TRPM7: variants seen among roughly 807,000 people sequenced by gnomAD.
TRPM7 encodes transient receptor potential cation channel subfamily M member 7.
In TRPM7, 134 loss-of-function variants were observed where a neutral mutation model predicts 229.7. That is an observed-to-expected ratio of 0.58 (90% CI 0.51 to 0.67). TRPM7 has a LOEUF of 0.67. Among genes scored for constraint, TRPM7 ranks in the 30% least tolerant of loss-of-function variants. TRPM7 has a pLI of 0.00. For synonymous variants in TRPM7, 699 were observed against 715.2 expected (o/e 0.98, Z 0.36); for missense variants, 1,901 against 2,210.0 (o/e 0.86, Z 2.80).
chr15:50,642,627 T>C (rs781122389), intron 5 of TRPM7, among the ~76,000 whole-genome samples: 12 of 152,172 alleles, frequency 7.9e-5, no homozygotes, highest in Non-Finnish European at 1.3e-4. Context: ...TTGCTTCCCC[T>C]TCACCTTCCA....
At chr15:50,620,725 G>A (rs747157005) in intron 12 of TRPM7, among the ~76,000 whole-genome samples, 42 of 152,118 alleles carry the variant, frequency 2.8e-4, no homozygotes, top group Non-Finnish European at 5.0e-4. Flanking sequence ...GAGGTCAGGA[G>A]TTCGAGACCA....
intron 5 of TRPM7, among the ~76,000 whole-genome samples, chr15:50,642,528 A>C (rs1311507728): frequency 6.6e-6 from 1 of 152,162 alleles, no homozygotes; most frequent in Non-Finnish European, 1.5e-5. Flanking sequence ...ATAGTGACTG[A>C]GTTCTCCCAA....
intron 1 of TRPM7, among the ~76,000 whole-genome samples, chr15:50,673,965 T>A (rs1337039654): frequency 6.6e-6 from 1 of 152,134 alleles, no homozygotes; most frequent in East Asian, 1.9e-4. Context: ...CTTGCTGGAA[T>A]AAGGTGGTAT....
At chr15:50,596,077 A>C (rs768343555) in intron 23 of TRPM7, among the ~76,000 whole-genome samples, 178 bp downstream of exon 23, 62 of 152,194 alleles carry the variant, frequency 4.1e-4, no homozygotes, top group Non-Finnish European at 7.6e-4. Context: ...AATCAAACTT[A>C]AAATTTAGAA....
chr15:50,639,179 A>G (rs2061011126), intron 6 of TRPM7, among the ~76,000 whole-genome samples: 1 of 152,242 alleles, frequency 6.6e-6, no homozygotes, highest in South Asian at 2.1e-4. Context: ...TACACATAAA[A>G]GACTGAAAGC....
intron 38 of TRPM7, among the ~76,000 whole-genome samples, chr15:50,566,971 A>G (rs750166570): frequency 6.6e-6 from 1 of 152,036 alleles, no homozygotes; most frequent in Non-Finnish European, 1.5e-5. Context: ...GATTTGCCAC[A>G]GACCTAACGG....
At chr15:50,685,191 G>A (rs1468046628) in intron 1 of TRPM7, among the ~76,000 whole-genome samples, 3 of 152,194 alleles carry the variant, frequency 2.0e-5, no homozygotes, top group Non-Finnish European at 4.4e-5. Context: ...GGCCTGGCGC[G>A]GTGGCTCACG....
At chr15:50,659,819 C>G (rs2140907328) in intron 2 of TRPM7, among the ~76,000 whole-genome samples, 1 of 152,156 alleles carries the variant, frequency 6.6e-6, no homozygotes, top group East Asian at 1.9e-4. Context: ...AAGTGCCCAC[C>G]ACCACGCCCA....
intron 6 of TRPM7, among the ~76,000 whole-genome samples, 188 bp downstream of exon 6, chr15:50,639,236 A>C (rs1263083733): frequency 1.3e-5 from 2 of 152,218 alleles, no homozygotes; most frequent in Non-Finnish European, 2.9e-5. Context: ...GAACTTAATT[A>C]TTTATAGTTA....
intron 27 of TRPM7, 192 bp from the exon 28 acceptor site, chr15:50,586,680 A>G (rs2059351322): frequency 2.2e-6 from 1 of 455,484 alleles, no homozygotes; most frequent in Non-Finnish European, 3.9e-6. Context: ...AAAACACCTT[A>G]TTTTCCTACT....
intron 28 of TRPM7, among the ~76,000 whole-genome samples, chr15:50,584,250 A>C (rs1288128187): frequency 6.6e-6 from 1 of 152,226 alleles, no homozygotes. Flanking sequence ...TGTAGAGGAC[A>C]AAAAGACCAG....
intron 38 of TRPM7, 37 bp from the exon 39 acceptor site, chr15:50,561,845 GAA>G (rs773638972): frequency 7.4e-7 from 1 of 1,353,052 alleles, no homozygotes. Flanking sequence ...AAAAAAAAAA[GAA>G]AGAGAAAAGA....
chr15:50,608,724 C>A (rs190167233), intron 19 of TRPM7, among the ~76,000 whole-genome samples: 3 of 152,230 alleles, frequency 2.0e-5, no homozygotes, highest in African/African-American at 7.2e-5. Flanking sequence ...GAAACAAATT[C>A]TTGTTGATGA....
rs368829452 is a variant in TRPM7, at chr15:50,656,387, C to A, written c.122+1394G>T. On this transcript the variant is annotated intron_variant, in intron 3 of 38. Transcript: ENST00000646667. ...TGATCAGGGCTTATTGCAGCCTCAA[C>A]TTCCCAGGCCCAAACGATCCTCCCG... Among the ~76,000 whole-genome samples, 8 of 152,154 alleles carry A rather than the reference C, an allele frequency of 5.3e-5. No homozygotes were observed. In the East Asian group the frequency reaches 1.5e-3, roughly 29 times the overall value.
chr15:50,567,157 T>G (rs1286982196), intron 38 of TRPM7, among the ~76,000 whole-genome samples: 1 of 152,048 alleles, frequency 6.6e-6, no homozygotes, highest in Non-Finnish European at 1.5e-5. Flanking sequence ...TAGTTTATTT[T>G]TTTATTTTTT....
chr15:50,597,320 T>A (rs1342461889), intron 22 of TRPM7, among the ~76,000 whole-genome samples: 1 of 152,188 alleles, frequency 6.6e-6, no homozygotes, highest in African/African-American at 2.4e-5. Flanking sequence ...AATTAAATAA[T>A]GATGAATTAG....
At chr15:50,659,299 T>A (rs1353376675) in intron 2 of TRPM7, among the ~76,000 whole-genome samples, 2 of 152,176 alleles carry the variant, frequency 1.3e-5, no homozygotes, top group Non-Finnish European at 2.9e-5. Context: ...ATCATCTGCT[T>A]GGACATACAA....
At position 50,569,470 on chromosome 15, in the gene TRPM7, T is replaced by C. The variant is rs1485815358; in HGVS notation, c.5467+417A>G. ...AGTTTCCCAGGATCATTCCCGGACC[T>C]GGGTTTGAGTTAAGGGACCTGCTTA... is the stretch of plus-strand genomic sequence containing the variant. On this transcript the variant is annotated intron_variant, in intron 38 of 38. Transcript: ENST00000646667. 2.6e-5 allele frequency among the ~76,000 whole-genome samples: 4 copies of C among 152,116 alleles called. No individual in the cohort carries two copies. In the East Asian group the frequency reaches 5.8e-4, roughly 22 times the overall value.
At chr15:50,588,104 A>C (rs1205830382) in intron 27 of TRPM7, 1 of 398,554 alleles carries the variant, frequency 2.5e-6, no homozygotes, top group Non-Finnish European at 3.4e-6. Flanking sequence ...AGGTCCGCTG[A>C]ACCTACACCT....
Sources: gnomAD v4.1 joint callset for allele counts (sites outside exome capture counted in the v4.1 genomes callset) on GRCh38, gnomAD v4.1.1 for gene constraint, MANE v1.5 for transcripts, NCBI Gene and HGNC (gene_info 2026-07-23, HGNC 2026-07-21) for gene names.